The following TBXA2R variants were observed in gnomAD, a reference collection of about 807,000 sequenced individuals.
TBXA2R encodes the protein thromboxane A2 receptor.
A neutral mutation model predicts 15.6 loss-of-function variants in TBXA2R; 15 were observed. That is an observed-to-expected ratio of 0.96 (90% CI 0.64 to 1.48). The LOEUF (loss-of-function observed/expected upper bound fraction) is 1.48. Among genes scored for constraint, TBXA2R ranks in the 40% most tolerant of loss-of-function variants. The pLI is 0.00. For synonymous variants in TBXA2R, 280 were observed against 241.2 expected (o/e 1.16, Z -1.49); for missense variants, 506 against 491.4 (o/e 1.03, Z -0.28).
At chr19:3,597,612 C>T (rs2032628037) in intron 2 of TBXA2R, among the ~76,000 whole-genome samples, 1 of 151,786 alleles carries the variant, frequency 6.6e-6, no homozygotes, top group African/African-American at 2.4e-5. Flanking sequence ...GCCTGGGTGA[C>T]ACATCGAAAC....
At position 3,600,146 on chromosome 19, in the gene TBXA2R, C is replaced by A; in HGVS notation, c.489G>T (p.Leu163=). The change falls in exon 2 of 3, where the codon CTG becomes CTT. Residue 163 remains leucine (L), a synonymous_variant. Coordinates refer to ENST00000375190, the MANE Select transcript of TBXA2R (RefSeq NM_001060.6). Reference sequence around the variant, plus strand: ...CCACGCCCAGCAGGGGCAGCAGGCCCAGCGCCAGCGCGGCCGCCCACACCA... The same window carrying A: ...CCACGCCCAGCAGGGGCAGCAGGCCAAGCGCCAGCGCGGCCGCCCACACCA... ...VGLVWAAALA[L]GLLPLLGVGR... is the part of the protein sequence containing the mutation. 6.2e-7 allele frequency: 1 copy of A among 1,607,470 alleles called. No homozygotes were observed. Among genetic ancestry groups the A allele is most frequent in the Non-Finnish European group, 8.5e-7 (1 of 1,177,720 alleles).
At chr19:3,596,575 G>T (rs2032608207) in intron 2 of TBXA2R, among the ~76,000 whole-genome samples, 1 of 151,996 alleles carries the variant, frequency 6.6e-6, no homozygotes, top group Non-Finnish European at 1.5e-5. Context: ...AGTTACCCAG[G>T]CATGGTTGCA....
Position 3,600,421 on chromosome 19 carries a change from G to A in TBXA2R, c.214C>T (p.Leu72Phe). The A allele has an allele frequency of 6.2e-7, 1 of 1,613,372 alleles. No homozygotes were observed. Among genetic ancestry groups the A allele is most frequent in the Non-Finnish European group, 8.5e-7 (1 of 1,179,748 alleles). The change falls in exon 2 of 3, where the codon CTC becomes TTC. Residue 72 changes from leucine to phenylalanine, a missense_variant. Coordinates refer to ENST00000375190, the MANE Select transcript of TBXA2R (RefSeq NM_001060.6). ...SFLTFLCGLV[L>F]TDFLGLLVTG... ...ACCAGCAGCCCCAGGAAGTCGGTGA[G>A]GACGAGGCCGCAGAGGAAGGTGAGG...
chr19:3,600,651 G>A lies in TBXA2R; in HGVS notation c.-17C>T. On this transcript the variant is annotated 5_prime_UTR_variant, in exon 2 of 3. Transcript: ENST00000375190. Reference sequence around the variant, plus strand: ...GGGCCACATGGCTCCGGAGCCCTGAGGGATCAGTCACCACCCCATCAGGCC... The same window carrying A: ...GGGCCACATGGCTCCGGAGCCCTGAAGGATCAGTCACCACCCCATCAGGCC... 1.2e-6 allele frequency: 2 copies of A among 1,610,878 alleles called. No individual in the cohort carries two copies. The highest frequency in any genetic ancestry group is 1.1e-5 in the South Asian group (1 of 90,738).
Position 3,595,199 on chromosome 19 carries a change from T to C in TBXA2R, c.*489A>G, listed in dbSNP as rs897713781. ...TTCAAGACCAGCCTGGCCAACACGG[T>C]GAAACCCCGTCTCTACTAAAAATAC... On this transcript the variant is annotated 3_prime_UTR_variant, in exon 3 of 3. Transcript: ENST00000375190. 209 of 602,322 alleles carry C rather than the reference T, an allele frequency of 3.5e-4. 1 individual carries two copies. Among genetic ancestry groups the C allele is most frequent in the Middle Eastern group, 1.5e-3 (3 of 1,960 alleles). The allele number at this position is 602,322 out of a possible 1,614,324, so 37.3% of individuals were successfully genotyped here. A position where few individuals can be genotyped will look rare whatever the true frequency, so the allele number is the denominator to read the frequency against.
At chr19:3,597,689 T>G (rs1366130699) in intron 2 of TBXA2R, among the ~76,000 whole-genome samples, 1 of 151,744 alleles carries the variant, frequency 6.6e-6, no homozygotes, top group African/African-American at 2.4e-5. Context: ...TCCCAGCACT[T>G]TGGGAGGCTG....
chr19:3,597,294 A>G (rs1317426684), intron 2 of TBXA2R, among the ~76,000 whole-genome samples: 1 of 151,122 alleles, frequency 6.6e-6, no homozygotes, highest in East Asian at 1.9e-4. Context: ...GTTATCTACA[A>G]ATTAGTATAT....
At chr19:3,599,329 A>AT (rs1456152002) in intron 2 of TBXA2R, among the ~76,000 whole-genome samples, 21 of 35,150 alleles carry the variant, frequency 6.0e-4, no homozygotes, top group African/African-American at 2.7e-3. Flanking sequence ...TAATTTTTTT[A>AT]TTTTTTATTT....
intron 1 of TBXA2R, among the ~76,000 whole-genome samples, chr19:3,604,006 G>A (rs3786989): frequency 1.3e-5 from 2 of 152,182 alleles, no homozygotes; most frequent in South Asian, 2.1e-4. Flanking sequence ...ACCCAAGATC[G>A]CTTTTCGATG....
At position 3,600,229 on chromosome 19, in the gene TBXA2R, G is replaced by A. The variant is rs1263143410; in HGVS notation, c.406C>T (p.Arg136Trp). ...MASERYLGIT[R>W]PFSRPAVASQ... is the part of the protein sequence containing the mutation. ...GCGACCGCCGGGCGCGAGAAGGGCC[G>A]GGTGATACCCAGGTAGCGCTCTGAG... Residue 136 changes from arginine to tryptophan, a missense_variant, in exon 2 of 3, where the codon CGG becomes TGG. Coordinates refer to ENST00000375190, the MANE Select transcript of TBXA2R (RefSeq NM_001060.6). 11 of 1,610,536 alleles carry A rather than the reference G, an allele frequency of 6.8e-6. No individual in the cohort carries two copies. Among genetic ancestry groups the A allele is most frequent in the African/African-American group, 2.7e-5 (2 of 74,982 alleles).
intron 1 of TBXA2R, among the ~76,000 whole-genome samples, chr19:3,601,460 G>C (rs2032737125): frequency 6.6e-6 from 1 of 151,912 alleles, no homozygotes; most frequent in East Asian, 1.9e-4. Flanking sequence ...CAGATGTTGA[G>C]GCTGCAGTGA....
At chr19:3,604,759 T>C (rs963221269) in intron 1 of TBXA2R, among the ~76,000 whole-genome samples, 6 of 152,184 alleles carry the variant, frequency 3.9e-5, no homozygotes, top group Non-Finnish European at 8.8e-5. Context: ...CTCTCACCTC[T>C]GCAGGGCTCC....
intron 2 of TBXA2R, among the ~76,000 whole-genome samples, chr19:3,596,509 C>T (rs1568282192): frequency 6.6e-6 from 1 of 152,044 alleles, no homozygotes; most frequent in East Asian, 1.9e-4. Flanking sequence ...AGTTCAAGAC[C>T]AGCCTGGGGA....
chr19:3,601,484 C>G (rs1417906089), intron 1 of TBXA2R, among the ~76,000 whole-genome samples: 1 of 150,690 alleles, frequency 6.6e-6, no homozygotes, highest in Non-Finnish European at 1.5e-5. Context: ...ACAATTGTGC[C>G]ACTGCACTCC....
rs202067474 is a variant in TBXA2R, at chr19:3,595,705, G to T, written c.1015C>A (p.Arg339Ser). The T allele has an allele frequency of 3.1e-6, 5 of 1,591,564 alleles. No homozygotes were observed. The highest frequency in any genetic ancestry group is 3.6e-5 in the Admixed American group (2 of 55,660). The change falls in exon 3 of 3, where the codon CGC becomes AGC. Residue 339 changes from arginine to serine, a missense_variant. By Grantham distance (110) the Arg-to-Ser change is moderately radical. Coordinates refer to ENST00000375190, the MANE Select transcript of TBXA2R (RefSeq NM_001060.6). ...TCCACTTCCTACTGCAGCCCGGAGC[G>T]CTGCGTGAGCTGGGGCTGGAGGGAC... ...SLSLQPQLTQ[R>S]SGLQ
chr19:3,605,084 G>A (rs959329737), intron 1 of TBXA2R, among the ~76,000 whole-genome samples: 4 of 152,198 alleles, frequency 2.6e-5, no homozygotes, highest in African/African-American at 9.6e-5. Flanking sequence ...ACAGTGCAGG[G>A]CGGGGACTCC....
intron 2 of TBXA2R, 95 bp from the exon 3 acceptor site, chr19:3,596,028 G>A (rs1318943959): frequency 4.8e-6 from 7 of 1,450,630 alleles, no homozygotes; most frequent in East Asian, 2.5e-5. Flanking sequence ...GGTCCACTCC[G>A]TTTTTTAATT....
intron 2 of TBXA2R, among the ~76,000 whole-genome samples, chr19:3,596,441 C>T (rs2032606288): frequency 6.6e-6 from 1 of 152,162 alleles, no homozygotes; most frequent in Non-Finnish European, 1.5e-5. Flanking sequence ...GGCAGTGGCT[C>T]ACGCCTGTGA....
chr19:3,601,355 C>T (rs1158063112), intron 1 of TBXA2R, among the ~76,000 whole-genome samples: 1 of 138,608 alleles, frequency 7.2e-6, no homozygotes, highest in Non-Finnish European at 1.5e-5. Flanking sequence ...ATAGCGAGAC[C>T]CTATCTCTTA....
Sources: gnomAD v4.1 joint callset for allele counts (sites outside exome capture counted in the v4.1 genomes callset) on GRCh38, gnomAD v4.1.1 for gene constraint, MANE v1.5 for transcripts, NCBI Gene and HGNC (gene_info 2026-07-23, HGNC 2026-07-21) for gene names.